HSP90AA1: variants seen among roughly 807,000 people sequenced by gnomAD.
The protein encoded by HSP90AA1 is heat shock protein 90 alpha family class A member 1, also known as heat shock protein HSP 90-alpha.
Under a neutral mutation model 73.3 loss-of-function variants are expected in HSP90AA1, and 18 were observed. The observed-to-expected ratio is 0.25, with a 90% CI of 0.17 to 0.36. The LOEUF is 0.36. HSP90AA1 is among the 10% of genes least tolerant of loss of function. HSP90AA1 has a pLI of 1.00. For missense variants in HSP90AA1, 704 were observed against 874.2 expected (o/e 0.81, Z 2.45); for synonymous variants, 477 against 296.9 (o/e 1.61, Z -6.24).
Position 102,083,065 on chromosome 14 carries a change from A to G in HSP90AA1, c.1724T>C (p.Met575Thr), listed in dbSNP as rs1555361662. 1.2e-6 allele frequency: 2 copies of G among 1,613,920 alleles called. No homozygotes were observed. Among genetic ancestry groups the G allele is most frequent in the South Asian group, 2.2e-5 (2 of 91,072 alleles). The change falls in exon 9 of 11, where the codon ATG becomes ACG. Residue 575 changes from methionine to threonine, a missense_variant. By Grantham distance (81) the Met-to-Thr change is moderately conservative (BLOSUM62 -1). Transcript: ENST00000216281. ...KTKFENLCKIMKDILEKKVEK... is the reference protein window; with the variant it reads ...KTKFENLCKITKDILEKKVEK... Reference sequence around the variant, plus strand: ...AACTTTTTTCTCCAATATGTCTTTCATGATTTTGCAGAGGTTCTCAAACTT... The same window carrying G: ...AACTTTTTTCTCCAATATGTCTTTCGTGATTTTGCAGAGGTTCTCAAACTT...
At chr14:102,121,064 G>A (rs563441239) in intron 1 of HSP90AA1, among the ~76,000 whole-genome samples, 1 of 151,214 alleles carries the variant, frequency 6.6e-6, no homozygotes, top group African/African-American at 2.4e-5. Context: ...ACAGGGTCTT[G>A]CTCTGTGGCC....
At chr14:102,137,323 C>T (rs189820043) in intron 1 of HSP90AA1, among the ~76,000 whole-genome samples, 3 of 149,672 alleles carry the variant, frequency 2.0e-5, no homozygotes, top group East Asian at 3.9e-4. Flanking sequence ...ATTTATTTAT[C>T]TATTTATTTA....
chr14:102,098,228 C>A (rs1376044072), intron 2 of HSP90AA1, among the ~76,000 whole-genome samples: 1 of 151,952 alleles, frequency 6.6e-6, no homozygotes, highest in Non-Finnish European at 1.5e-5. Flanking sequence ...GTGGCCTGAT[C>A]TCGGCTCACT....
At chr14:102,120,875 T>C (rs8005187) in intron 1 of HSP90AA1, among the ~76,000 whole-genome samples, 3 of 151,766 alleles carry the variant, frequency 2.0e-5, no homozygotes, top group African/African-American at 4.8e-5. Flanking sequence ...GAGGTGGAAG[T>C]TGCAGTGAGC....
intron 1 of HSP90AA1, among the ~76,000 whole-genome samples, chr14:102,127,442 T>C (rs1402026099): frequency 1.3e-5 from 2 of 152,208 alleles, no homozygotes; most frequent in Non-Finnish European, 1.5e-5. Flanking sequence ...GTCCCAGCCT[T>C]ATGACAGTTC....
In HSP90AA1 at chr14:102,137,214, C is replaced by A. The variant is rs902443274; in HGVS notation, c.155+2036G>T. Reference sequence around the variant, plus strand: ...TGAGACTGTGCCACTGCACTCCAGCCTGGGCAACAGAGTGAGACTCCATCT... The same window carrying A: ...TGAGACTGTGCCACTGCACTCCAGCATGGGCAACAGAGTGAGACTCCATCT... On this transcript the variant is annotated intron_variant, in intron 1 of 11. Transcript: ENST00000334701. Among the ~76,000 whole-genome samples the A allele has an allele frequency of 3.3e-4, 50 of 151,888 alleles. 1 individual carries two copies. Among genetic ancestry groups the A allele is most frequent in the African/African-American group, 1.2e-3 (48 of 41,408 alleles).
Position 102,084,561 on chromosome 14 carries a change from A to G in HSP90AA1, c.985T>C (p.Phe329Leu). 6.2e-7 allele frequency: 1 copy of G among 1,614,200 alleles called. No individual in the cohort carries two copies. Among genetic ancestry groups the G allele is most frequent in the Middle Eastern group, 1.6e-4 (1 of 6,062 alleles). Residue 329 changes from phenylalanine (F) to leucine (L), a missense_variant, in exon 6 of 11, where the codon TTT becomes CTT. Transcript: ENST00000216281. Reference protein sequence around the residue: ...DWEDHLAVKHFSVEGQLEFRA... With the variant: ...DWEDHLAVKHLSVEGQLEFRA... ...AATTCCAACTGTCCTTCAACTGAAA[A>G]ATGCTGTAATAAAACAGATACACTA...
chr14:102,116,047 G>C (rs2049702237), intron 1 of HSP90AA1, among the ~76,000 whole-genome samples: 1 of 151,798 alleles, frequency 6.6e-6, no homozygotes, highest in Admixed American at 6.6e-5. Context: ...TGCCTCCCGG[G>C]TTCACACCAT....
chr14:102,133,213 G>A (rs2049930469), intron 1 of HSP90AA1, among the ~76,000 whole-genome samples: 1 of 152,018 alleles, frequency 6.6e-6, no homozygotes, highest in African/African-American at 2.4e-5. Context: ...CCAGGAGGTG[G>A]AGGTTGCAGT....
At chr14:102,128,825 A>G (rs1022216279) in intron 1 of HSP90AA1, among the ~76,000 whole-genome samples, 1 of 149,464 alleles carries the variant, frequency 6.7e-6, no homozygotes, top group Non-Finnish European at 1.5e-5. Context: ...AAAAGAAGAG[A>G]AGAGGTACTT....
intron 2 of HSP90AA1, among the ~76,000 whole-genome samples, chr14:102,101,594 T>C (rs1394661828): frequency 1.3e-5 from 2 of 152,220 alleles, no homozygotes; most frequent in Non-Finnish European, 2.9e-5. Flanking sequence ...TGTCTTTCTC[T>C]TTTCTCCCAC....
At chr14:102,112,050 C>T (rs1343934226) in intron 1 of HSP90AA1, among the ~76,000 whole-genome samples, 1 of 152,182 alleles carries the variant, frequency 6.6e-6, no homozygotes, top group Non-Finnish European at 1.5e-5. Context: ...TTGGTGGGCT[C>T]ATCCCCTCTG....
At chr14:102,090,003 C>G (rs145023934), upstream of HSP90AA1, among the ~76,000 whole-genome samples, 19 of 152,286 alleles carry the variant, frequency 1.2e-4, no homozygotes, top group Non-Finnish European at 2.1e-4. Context: ...TCCTCCCCAC[C>G]CTCTGCAAAT....
At chr14:102,085,509 G>T in intron 3 of HSP90AA1, 78 bp from the exon 4 acceptor site, 1 of 1,409,664 alleles carries the variant, frequency 7.1e-7, no homozygotes, top group Non-Finnish European at 1.0e-6. Flanking sequence ...CTTATAACGT[G>T]TCTATAAAGC....
intron 2 of HSP90AA1, among the ~76,000 whole-genome samples, chr14:102,100,856 T>A (rs1435860467): frequency 6.6e-6 from 1 of 152,254 alleles, no homozygotes; most frequent in African/African-American, 2.4e-5. Context: ...TGTACTTCAA[T>A]TTCCTCATCT....
At chr14:102,083,387 C>G (rs2049142124) in intron 8 of HSP90AA1, 85 bp from the exon 9 acceptor site, 1 of 1,506,394 alleles carries the variant, frequency 6.6e-7, no homozygotes, top group Admixed American at 1.7e-5. Flanking sequence ...TAGCCAGATA[C>G]CTAGGCAGAA....
At chr14:102,135,535 G>A (rs1363495783) in intron 1 of HSP90AA1, among the ~76,000 whole-genome samples, 1 of 152,274 alleles carries the variant, frequency 6.6e-6, no homozygotes, top group Non-Finnish European at 1.5e-5. Flanking sequence ...TTGGGTGGTC[G>A]ATGGGACTGG....
chr14:102,095,021 G>A (rs2049406625), intron 2 of HSP90AA1, among the ~76,000 whole-genome samples: 1 of 152,174 alleles, frequency 6.6e-6, no homozygotes, highest in African/African-American at 2.4e-5. Flanking sequence ...GGGGAACATA[G>A]GGCTCAGGCA....
At chr14:102,107,114 G>C (rs1798599344) in intron 1 of HSP90AA1, among the ~76,000 whole-genome samples, 1 of 152,026 alleles carries the variant, frequency 6.6e-6, no homozygotes, top group African/African-American at 2.4e-5. Flanking sequence ...CAGAAGAACT[G>C]TTGTCAATGA....
Sources: gnomAD v4.1 joint callset for allele counts (sites outside exome capture counted in the v4.1 genomes callset) on GRCh38, gnomAD v4.1.1 for gene constraint, MANE v1.5 for transcripts, NCBI Gene and HGNC (gene_info 2026-07-23, HGNC 2026-07-21) for gene names.